Variants in GDPD1 observed in about 807,000 individuals in gnomAD.
The protein encoded by GDPD1 is glycerophosphodiester phosphodiesterase domain containing 1.
Under a neutral mutation model 45.1 loss-of-function variants are expected in GDPD1, and 28 were observed. The ratio of observed to expected loss-of-function variants is 0.62; its 90% CI spans 0.46 to 0.85. The LOEUF is 0.85. Ranked by LOEUF, GDPD1 falls within the 40% of genes least tolerant of loss-of-function variation. GDPD1 has a pLI of 0.00. For synonymous variants in GDPD1, 139 were observed against 131.4 expected (o/e 1.06, Z -0.40); for missense variants, 256 against 364.8 (o/e 0.70, Z 2.43).
At chr17:59,255,762 A>ATAT (rs1555724154) in intron 4 of GDPD1, among the ~76,000 whole-genome samples, 32 of 44,338 alleles carry the variant, frequency 7.2e-4, no homozygotes, top group Non-Finnish European at 9.9e-4. Context: ...AAAAAAAAAA[A>ATAT]ATATATATAT....
chr17:59,243,973 G>A (rs907804035), intron 2 of GDPD1, among the ~76,000 whole-genome samples: 1 of 152,120 alleles, frequency 6.6e-6, no homozygotes, highest in Non-Finnish European at 1.5e-5. Flanking sequence ...GAGGTCTGCA[G>A]CAACCTCAAT....
chr17:59,275,491 A>C lies in GDPD1; in HGVS notation c.*1718A>C. On this transcript the variant is annotated 3_prime_UTR_variant, in exon 10 of 10. Coordinates refer to ENST00000284116, the MANE Select transcript of GDPD1 (RefSeq NM_182569.4). ...AAATTAAGACAAGATCCAAATAGTC[A>C]TATTTTTGTGTTTCCTCTAAAAAAA... The C allele has an allele frequency of 4.8e-6, 1 of 208,080 alleles. No homozygotes were observed. Among genetic ancestry groups the C allele is most frequent in the Non-Finnish European group, 9.7e-6 (1 of 102,758 alleles). 12.9% of individuals were successfully genotyped at this position (208,080 alleles called of 1,614,324 possible).
chr17:59,240,935 G>C (rs1376938593), intron 2 of GDPD1, among the ~76,000 whole-genome samples: 1 of 152,112 alleles, frequency 6.6e-6, no homozygotes, highest in Admixed American at 6.6e-5. Context: ...CCCTAATGCA[G>C]GTGTCCCATT....
intron 1 of GDPD1, among the ~76,000 whole-genome samples, chr17:59,221,589 A>T (rs758115777): frequency 6.6e-6 from 1 of 152,162 alleles, no homozygotes; most frequent in African/African-American, 2.4e-5. Flanking sequence ...GTGTTTTGCT[A>T]AAAGGAGCCC....
intron 4 of GDPD1, among the ~76,000 whole-genome samples, chr17:59,251,991 C>CAAAAAAAAAAAAAAAAAAAA (rs34224346): frequency 1.6e-5 from 1 of 60,922 alleles, no homozygotes; most frequent in South Asian, 7.6e-4. Context: ...GACTCAGTCT[C>CAAAAAAAAAAAAAAAAAAAA]AAAAAAAAAA....
chr17:59,259,566 CAAAAAAAAAAAAAA>C (rs71367681), intron 6 of GDPD1, among the ~76,000 whole-genome samples: 1 of 24,850 alleles, frequency 4.0e-5, no homozygotes, highest in Admixed American at 4.7e-4. Context: ...GACTCTGTCT[CAAAAAAAAAAAAAA>C]AAAAAAAAAA....
chr17:59,236,045 A>T (rs1055316554), intron 2 of GDPD1, among the ~76,000 whole-genome samples: 5 of 152,172 alleles, frequency 3.3e-5, no homozygotes, highest in Non-Finnish European at 7.3e-5. Flanking sequence ...ACTTGAGAAA[A>T]AAACTACTCA....
At chr17:59,267,878 C>T (rs943941032) in intron 7 of GDPD1, among the ~76,000 whole-genome samples, 3 of 152,000 alleles carry the variant, frequency 2.0e-5, no homozygotes, top group African/African-American at 7.2e-5. Flanking sequence ...CCATGTTGGT[C>T]AGGCTGGTCT....
At position 59,222,505 on chromosome 17, in the gene GDPD1, C is replaced by CTTT. The variant is rs149536097; in HGVS notation, c.142+1778_142+1780dup. Among the ~76,000 whole-genome samples, 166 of 41,736 alleles carry CTTT rather than the reference C, an allele frequency of 4.0e-3. 18 individuals carry two copies. Among genetic ancestry groups the CTTT allele is most frequent in the African/African-American group, 0.013 (145 of 11,122 alleles). The allele number at this position is 41,736 out of a possible 152,430, so 27.4% of individuals were successfully genotyped here. On this transcript the variant is annotated intron_variant, in intron 1 of 9. Coordinates refer to ENST00000284116, the MANE Select transcript of GDPD1 (RefSeq NM_182569.4). ...ACAGGCGTGAGCCACAGTGCCCAGC[C>CTTT]TTTTTTTTTTTTTTTTTTTTTTTTT... is the stretch of plus-strand genomic sequence containing the variant.
At chr17:59,259,813 A>C (rs2047340326) in intron 6 of GDPD1, among the ~76,000 whole-genome samples, 1 of 151,050 alleles carries the variant, frequency 6.6e-6, no homozygotes, top group Non-Finnish European at 1.5e-5. Context: ...TAATCCCAGC[A>C]CTTTGGGAGG....
At chr17:59,234,208 G>T (rs1229754501) in intron 1 of GDPD1, among the ~76,000 whole-genome samples, 1 of 151,998 alleles carries the variant, frequency 6.6e-6, no homozygotes, top group South Asian at 2.1e-4. Flanking sequence ...AAAATTAGCC[G>T]GGCGTGGAGG....
chr17:59,231,428 G>A (rs1479682274), intron 1 of GDPD1, among the ~76,000 whole-genome samples: 12 of 144,542 alleles, frequency 8.3e-5, no homozygotes, highest in African/African-American at 2.3e-4. Context: ...CCGGGTTCAC[G>A]CCATTCTCCT....
At chr17:59,227,938 G>A (rs2047059807) in intron 1 of GDPD1, among the ~76,000 whole-genome samples, 1 of 152,174 alleles carries the variant, frequency 6.6e-6, no homozygotes, top group South Asian at 2.1e-4. Flanking sequence ...GGGAGGCCGA[G>A]GTGGGAGGAT....
chr17:59,270,094 A>G (rs2047433184), intron 7 of GDPD1, among the ~76,000 whole-genome samples: 1 of 152,180 alleles, frequency 6.6e-6, no homozygotes, highest in Non-Finnish European at 1.5e-5. Context: ...TAATGAGGTA[A>G]TCAGTATTTG....
At chr17:59,266,775 A>G (rs906523215) in intron 6 of GDPD1, among the ~76,000 whole-genome samples, 14 of 152,186 alleles carry the variant, frequency 9.2e-5, no homozygotes, top group Non-Finnish European at 2.1e-4. Flanking sequence ...TAACCAACGC[A>G]GAAGTGGTAT....
At chr17:59,253,830 T>C (rs1271840331) in intron 4 of GDPD1, among the ~76,000 whole-genome samples, 4 of 152,134 alleles carry the variant, frequency 2.6e-5, no homozygotes, top group African/African-American at 9.6e-5. Context: ...TATGATCATA[T>C]GCCCATCCCC....
At position 59,258,267 on chromosome 17, in the gene GDPD1, C is replaced by T. The variant is rs373161741; in HGVS notation, c.576+427C>T. Among the ~76,000 whole-genome samples the T allele has an allele frequency of 2.5e-4, 37 of 148,428 alleles. No homozygotes were observed. The East Asian group carries it at 7.7e-3, about 31-fold the overall frequency. On this transcript the variant is annotated intron_variant, in intron 6 of 9. Coordinates refer to ENST00000284116, the MANE Select transcript of GDPD1 (RefSeq NM_182569.4). ...ATTTTTAAAGCATCTTATTTCAGGC[C>T]GGGCGCAGTGGCTCACGCCTGTAAT... is the stretch of plus-strand genomic sequence containing the variant.
chr17:59,255,760 A>T (rs866089883), intron 4 of GDPD1, among the ~76,000 whole-genome samples: 1,098 of 66,512 alleles, frequency 0.017, 10 homozygotes, highest in African/African-American at 0.03. Flanking sequence ...AAAAAAAAAA[A>T]AAATATATAT....
At chr17:59,273,625 A>G in intron 9 of GDPD1, 26 bp from the exon 10 acceptor site, 1 of 1,305,326 alleles carries the variant, frequency 7.7e-7, no homozygotes. Context: ...ATTTCTTCTC[A>G]TACTTCTCAC....
Sources: allele counts gnomAD v4.1 joint callset (sites outside exome capture counted in the v4.1 genomes callset), GRCh38; gene constraint gnomAD v4.1.1; transcripts MANE v1.5; gene names NCBI Gene and HGNC (gene_info 2026-07-23, HGNC 2026-07-21).